Variants in DIAPH2 observed in about 807,000 individuals in gnomAD.
DIAPH2 encodes diaphanous related formin 2, also known as protein diaphanous homolog 2.
In DIAPH2, 35 loss-of-function variants were observed where a neutral mutation model predicts 92.7. The ratio of observed to expected loss-of-function variants is 0.38; its 90% CI spans 0.29 to 0.50. The LOEUF is 0.50. DIAPH2 is among the 20% of genes least tolerant of loss of function. DIAPH2 has a pLI of 0.94. For synonymous variants in DIAPH2, 301 were observed against 280.4 expected, an observed-to-expected ratio of 1.07 and a Z score of -0.73; for missense variants, 701 against 819.5, an observed-to-expected ratio of 0.86 and a Z score of 1.77.
intron 7 of DIAPH2, among the ~76,000 whole-genome samples, chrX:96,916,229 A>G: frequency 9.0e-6 from 1 of 110,962 alleles, no homozygotes; most frequent in Non-Finnish European, 1.9e-5. Flanking sequence ...TAATGGAGAT[A>G]TATCTGATCA....
chrX:97,583,225 G>A (rs951268106), intron 26 of DIAPH2, among the ~76,000 whole-genome samples: 2 of 112,021 alleles, frequency 1.8e-5, no homozygotes, highest in African/African-American at 3.2e-5. Flanking sequence ...GAGGAGCTGC[G>A]TTCCTTTGGA....
chrX:97,068,685 T>C (rs1185952182), intron 17 of DIAPH2, among the ~76,000 whole-genome samples: 1 of 112,142 alleles, frequency 8.9e-6, no homozygotes, highest in Non-Finnish European at 1.9e-5. Flanking sequence ...TCAACCAATA[T>C]GTTAAAAAAT....
intron 23 of DIAPH2, among the ~76,000 whole-genome samples, chrX:97,317,142 A>T (rs1188315643): frequency 8.9e-6 from 1 of 112,324 alleles, no homozygotes; most frequent in Non-Finnish European, 1.9e-5. Context: ...AAAGAAATAA[A>T]CTAAAACAGG....
chrX:97,358,449 T>G (rs1051583563), intron 24 of DIAPH2, among the ~76,000 whole-genome samples: 2 of 111,404 alleles, frequency 1.8e-5, no homozygotes, highest in African/African-American at 6.5e-5. Flanking sequence ...ATGTCAGTAA[T>G]GTTGAGATTG....
intron 24 of DIAPH2, among the ~76,000 whole-genome samples, chrX:97,368,657 C>G (rs532099326): frequency 9.3e-6 from 1 of 107,629 alleles, no homozygotes; most frequent in East Asian, 2.9e-4. Context: ...CATAAATTAA[C>G]CACAGCTCTT....
chrX:96,962,486 C>T (rs377692165), intron 16 of DIAPH2, among the ~76,000 whole-genome samples: 3,078 of 22,612 alleles, frequency 0.14, 190 homozygotes, highest in South Asian at 0.22. Flanking sequence ...TATACACACA[C>T]ACACACACAC....
At chrX:96,694,319 A>C (rs945924147) in intron 1 of DIAPH2, among the ~76,000 whole-genome samples, 1 of 108,708 alleles carries the variant, frequency 9.2e-6, no homozygotes, top group African/African-American at 3.4e-5. Flanking sequence ...ACAGAGTTTT[A>C]TATGGTTACG....
rs190281504 is a variant in DIAPH2, at chrX:96,848,934, G to A, written c.448-32645G>A. On this transcript the variant is annotated intron_variant, in intron 4 of 26. Coordinates refer to ENST00000324765, the MANE Select transcript of DIAPH2 (RefSeq NM_006729.5). ...TGGTTTTTTCCATCACAGTTTTGGG[G>A]ATCAAGGTGAGTCAGAGAGAATGAT... 1.4e-3 allele frequency among the ~76,000 whole-genome samples: 151 copies of A among 111,618 alleles called. 1 individual carries two copies. The highest frequency in any genetic ancestry group is 4.6e-3 in the African/African-American group (140 of 30,731).
chrX:96,716,132 GT>G (rs2063948987), intron 1 of DIAPH2, among the ~76,000 whole-genome samples: 1 of 111,500 alleles, frequency 9.0e-6, no homozygotes, highest in South Asian at 3.7e-4. Context: ...TTGCAGATAT[GT>G]TTAATCATTG....
chrX:97,518,461 T>A (rs2070966071), intron 26 of DIAPH2, among the ~76,000 whole-genome samples: 1 of 110,608 alleles, frequency 9.0e-6, no homozygotes, highest in Non-Finnish European at 1.9e-5. Flanking sequence ...CCAAAATTTT[T>A]AAAAATGTCC....
intron 26 of DIAPH2, among the ~76,000 whole-genome samples, chrX:97,464,187 G>A (rs778650332): frequency 2.1e-4 from 23 of 107,256 alleles, no homozygotes; most frequent in Admixed American, 2.1e-3. Context: ...CTCTCAGGCC[G>A]GGGGTGGTGG....
intron 1 of DIAPH2, among the ~76,000 whole-genome samples, chrX:96,703,538 CTTG>C (rs774885137): frequency 5.4e-5 from 6 of 111,048 alleles, no homozygotes; most frequent in Admixed American, 2.9e-4. Flanking sequence ...GTCTAAAGAT[CTTG>C]TTGTTGTTTT....
intron 25 of DIAPH2, among the ~76,000 whole-genome samples, chrX:97,410,530 A>G (rs778205896): frequency 1.8e-5 from 2 of 112,312 alleles, no homozygotes; most frequent in South Asian, 7.4e-4. Context: ...GGTCCTCTCC[A>G]GCAACGAAAC....
rs1239480522 is a variant in DIAPH2, at chrX:96,854,624, T to G, written c.448-26955T>G. Among the ~76,000 whole-genome samples the G allele has an allele frequency of 6.4e-5, 5 of 78,222 alleles. 1 individual carries two copies. The highest frequency in any genetic ancestry group is 5.8e-4 in the Admixed American group (4 of 6,857). The allele number at this position is 78,222 out of a possible 115,157, so 67.9% of individuals were successfully genotyped here. A position where few individuals can be genotyped will look rare whatever the true frequency, so the allele number is the denominator to read the frequency against. ...ATATATATATATATATATATATATA[T>G]ATATATATATATATATATCCATCTG... On this transcript the variant is annotated intron_variant, in intron 4 of 26. Coordinates refer to ENST00000324765, the MANE Select transcript of DIAPH2 (RefSeq NM_006729.5).
intron 17 of DIAPH2, among the ~76,000 whole-genome samples, chrX:97,037,153 C>A (rs919131819): frequency 9.0e-6 from 1 of 111,095 alleles, no homozygotes; most frequent in African/African-American, 3.3e-5. Context: ...ATATATTATT[C>A]TTAAACATTG....
intron 22 of DIAPH2, among the ~76,000 whole-genome samples, chrX:97,161,861 T>A (rs2067376398): frequency 8.9e-6 from 1 of 111,823 alleles, no homozygotes. Flanking sequence ...GCCAGGGTTT[T>A]ACCATTATGT....
At chrX:96,828,544 T>C (rs759901004) in intron 4 of DIAPH2, among the ~76,000 whole-genome samples, 1 of 112,216 alleles carries the variant, frequency 8.9e-6, no homozygotes, top group South Asian at 3.7e-4. Context: ...CATTAACATA[T>C]TAAATTATCT....
At chrX:97,580,569 G>T (rs2071432507) in intron 26 of DIAPH2, among the ~76,000 whole-genome samples, 2 of 96,286 alleles carry the variant, frequency 2.1e-5, no homozygotes, top group African/African-American at 7.6e-5. Context: ...GATTCGGTTT[G>T]CCAGTATTTT....
intron 23 of DIAPH2, among the ~76,000 whole-genome samples, chrX:97,293,554 G>T (rs1177117702): frequency 9.0e-6 from 1 of 111,541 alleles, no homozygotes; most frequent in Non-Finnish European, 1.9e-5. Flanking sequence ...CCCGGTCTTT[G>T]TTGACATTTC....
Sources: allele counts gnomAD v4.1 joint callset (sites outside exome capture counted in the v4.1 genomes callset), GRCh38; gene constraint gnomAD v4.1.1; transcripts MANE v1.5; gene names NCBI Gene and HGNC (gene_info 2026-07-23, HGNC 2026-07-21).